DLG5: variants seen among roughly 807,000 people sequenced by gnomAD.
The protein encoded by DLG5 is discs large MAGUK scaffold protein 5.
In DLG5, 48 loss-of-function variants were observed where a neutral mutation model predicts 189.8. The observed-to-expected ratio is 0.25, with a 90% CI of 0.20 to 0.32. The LOEUF is 0.32. DLG5 is among the 10% of genes least tolerant of loss of function. The probability of loss-of-function intolerance (pLI) is 1.00; values close to 1 mark genes in which losing one functional copy is unlikely to be tolerated. For missense variants in DLG5, 2,160 were observed against 2,544.7 expected (o/e 0.85, Z 3.25); for synonymous variants, 1,016 against 1,054.1 (o/e 0.96, Z 0.70).
At chr10:77,889,844 T>C (rs1473723918) in intron 1 of DLG5, among the ~76,000 whole-genome samples, 1 of 152,076 alleles carries the variant, frequency 6.6e-6, no homozygotes, top group African/African-American at 2.4e-5. Flanking sequence ...TCCTAGGAAG[T>C]ATTTGGAAAT....
At chr10:77,932,878 G>A in the DLG5 span, among the ~76,000 whole-genome samples, 2 of 151,978 alleles carry the variant, frequency 1.3e-5, no homozygotes, top group East Asian at 1.9e-4. Context: ...CTGAGGAGGA[G>A]GATTACTTGA....
upstream of DLG5, chr10:77,927,036 C>T (rs1161192645): frequency 7.6e-6 from 2 of 263,120 alleles, no homozygotes. Context: ...CCCGTGCACC[C>T]CGGCCCGGCT....
the DLG5 span, among the ~76,000 whole-genome samples, chr10:77,938,815 T>C: frequency 1.7e-3 from 262 of 152,314 alleles, 1 homozygote; most frequent in Non-Finnish European, 3.4e-3. Flanking sequence ...TCTAGTTGTG[T>C]GTGGTTCCCA....
At position 77,843,652 on chromosome 10, in the gene DLG5, T is replaced by C. The variant is rs770598736; in HGVS notation, c.919A>G (p.Met307Val). 2 of 1,614,044 alleles carry C rather than the reference T, an allele frequency of 1.2e-6. No homozygotes were observed. The highest frequency in any genetic ancestry group is 1.7e-6 in the Non-Finnish European group (2 of 1,180,016). Residue 307 changes from methionine (M) to valine (V), a missense_variant, in exon 6 of 32, where the codon ATG becomes GTG. Met to Val is a conservative substitution (Grantham distance 21, BLOSUM62 1). Transcript: ENST00000372391. ...EILNKLYDTA[M>V]DKLEVVKKDY... ...TTCTTGACCACCTCCAACTTGTCCA[T>C]GGCCGTGTCATACAGTTTGTTGAGA...
chr10:77,877,672 T>C (rs1342994803), intron 1 of DLG5, among the ~76,000 whole-genome samples: 1 of 152,178 alleles, frequency 6.6e-6, no homozygotes, highest in African/African-American at 2.4e-5. Flanking sequence ...CCCTGCTCCC[T>C]GCTGTCACTT....
At chr10:77,827,142 G>A (rs1019435289) in intron 13 of DLG5, among the ~76,000 whole-genome samples, 4 of 152,168 alleles carry the variant, frequency 2.6e-5, no homozygotes, top group Admixed American at 6.5e-5. Context: ...TCTAGCCAGA[G>A]GAAGATTTGT....
intron 5 of DLG5, among the ~76,000 whole-genome samples, chr10:77,849,433 C>T (rs1251467995): frequency 2.6e-5 from 4 of 152,228 alleles, no homozygotes; most frequent in Admixed American, 1.3e-4. Context: ...CCACTCCACG[C>T]CTGATGAAGG....
chr10:77,888,353 G>A (rs975552025), intron 1 of DLG5, among the ~76,000 whole-genome samples: 7 of 152,164 alleles, frequency 4.6e-5, no homozygotes, highest in South Asian at 2.1e-4. Context: ...CAGCCCCTGC[G>A]TGGACAGCCC....
intron 1 of DLG5, among the ~76,000 whole-genome samples, chr10:77,910,141 T>C (rs960593121): frequency 8.5e-5 from 13 of 152,122 alleles, no homozygotes; most frequent in Non-Finnish European, 1.8e-4. Context: ...TCAGAACACA[T>C]CTGCTGAATG....
At chr10:77,849,036 C>T (rs1442982044) in intron 5 of DLG5, among the ~76,000 whole-genome samples, 2 of 152,220 alleles carry the variant, frequency 1.3e-5, no homozygotes, top group Admixed American at 6.5e-5. Flanking sequence ...AAGGTGCACT[C>T]GGACTGCCCA....
the DLG5 span, among the ~76,000 whole-genome samples, chr10:77,934,889 G>C: frequency 2.3e-5 from 3 of 129,080 alleles, no homozygotes; most frequent in Non-Finnish European, 4.7e-5. Flanking sequence ...ACAGAGTCTT[G>C]CTCTGTCGCC....
intron 1 of DLG5, among the ~76,000 whole-genome samples, chr10:77,905,249 C>A (rs778431136): frequency 6.6e-6 from 1 of 152,146 alleles, no homozygotes; most frequent in Non-Finnish European, 1.5e-5. Context: ...GATCCTCCCA[C>A]CTCGGCCTCC....
rs916647081 is a variant in DLG5 at position 77,893,874 on chromosome 10, A to G, written c.305-24677T>C. ...TACTCCCTGGGCCTGAACCCTTCCC[A>G]GAGCTGAGTCCTCTTCTCCACTCCC... On this transcript the variant is annotated intron_variant, in intron 1 of 31. Transcript: ENST00000372391. 4.6e-5 allele frequency among the ~76,000 whole-genome samples: 7 copies of G among 152,196 alleles called. No individual in the cohort carries two copies. In the East Asian group the frequency reaches 1.3e-3, roughly 29 times the overall value.
intron 13 of DLG5, among the ~76,000 whole-genome samples, chr10:77,825,836 C>T (rs1419419797): frequency 1.3e-5 from 2 of 151,836 alleles, no homozygotes; most frequent in East Asian, 1.9e-4. Flanking sequence ...GGATTACAGG[C>T]GTGAGCCACC....
intron 8 of DLG5, among the ~76,000 whole-genome samples, chr10:77,834,746 T>C (rs1248666): frequency 0.71 from 107,953 of 151,970 alleles, 38,746 homozygotes; most frequent in African/African-American, 0.8. Flanking sequence ...AGTCAGAGCC[T>C]GGCTGAGGAC....
intron 26 of DLG5, 40 bp downstream of exon 26, chr10:77,806,718 A>AGGGCCCCC: frequency 7.9e-5 from 105 of 1,333,544 alleles, no homozygotes; most frequent in Middle Eastern, 2.2e-4. Flanking sequence ...GCCCTCGGCG[A>AGGGCCCCC]CCCCTGCCCC....
chr10:77,909,132 TAGAC>T (rs1846146399), intron 1 of DLG5, among the ~76,000 whole-genome samples: 1 of 152,172 alleles, frequency 6.6e-6, no homozygotes, highest in Non-Finnish European at 1.5e-5. Context: ...GCTGGAGAGA[TAGAC>T]AGATAAACTC....
At chr10:77,844,966 G>C (rs1182245203) in intron 5 of DLG5, among the ~76,000 whole-genome samples, 2 of 152,214 alleles carry the variant, frequency 1.3e-5, no homozygotes, top group Non-Finnish European at 2.9e-5. Context: ...ATGCACAGGG[G>C]GAGGTGGGTT....
chr10:77,891,453 G>A (rs1021645084), intron 1 of DLG5, among the ~76,000 whole-genome samples: 1 of 152,146 alleles, frequency 6.6e-6, no homozygotes, highest in Admixed American at 6.6e-5. Flanking sequence ...CTGGGACACA[G>A]TAAGGACTTA....
Sources: allele counts gnomAD v4.1 joint callset (sites outside exome capture counted in the v4.1 genomes callset), GRCh38; gene constraint gnomAD v4.1.1; transcripts MANE v1.5; gene names NCBI Gene and HGNC (gene_info 2026-07-23, HGNC 2026-07-21).